PDZRN4: variants seen among roughly 807,000 people sequenced by gnomAD.
The protein encoded by PDZRN4 is PDZ domain containing ring finger 4, also known as PDZ domain-containing RING finger protein 4.
A neutral mutation model predicts 99.0 loss-of-function variants in PDZRN4; 70 were observed. The ratio of observed to expected loss-of-function variants is 0.71; its 90% CI spans 0.58 to 0.86. PDZRN4 has a LOEUF of 0.86. Ranked by LOEUF, PDZRN4 falls within the 40% of genes least tolerant of loss-of-function variation. The pLI is 0.00. For missense variants in PDZRN4, 1,474 were observed against 1,331.2 expected (o/e 1.11, Z -1.67); for synonymous variants, 551 against 501.6 (o/e 1.10, Z -1.32).
At chr12:41,222,873 T>C (rs1410029420) in intron 3 of PDZRN4, among the ~76,000 whole-genome samples, 1 of 152,198 alleles carries the variant, frequency 6.6e-6, no homozygotes. Context: ...GCTGTGTTTC[T>C]ATAGTAAGAA....
At chr12:41,430,760 T>C (rs1225480247) in intron 3 of PDZRN4, among the ~76,000 whole-genome samples, 1 of 152,210 alleles carries the variant, frequency 6.6e-6, no homozygotes, top group African/African-American at 2.4e-5. Context: ...CATGTATTAG[T>C]CTGTTCTCAT....
chr12:41,194,678 T>C (rs1045990991), intron 3 of PDZRN4, among the ~76,000 whole-genome samples: 9 of 152,168 alleles, frequency 5.9e-5, no homozygotes, highest in African/African-American at 2.2e-4. Context: ...TATGATTCTA[T>C]ATAATTCGTT....
chr12:41,461,126 G>A (rs576322296), intron 3 of PDZRN4, among the ~76,000 whole-genome samples: 3 of 152,194 alleles, frequency 2.0e-5, no homozygotes, highest in South Asian at 2.1e-4. Context: ...GGGACTCCAC[G>A]TGATTCTACC....
intron 3 of PDZRN4, among the ~76,000 whole-genome samples, chr12:41,416,459 A>C (rs1952446240): frequency 6.6e-6 from 1 of 152,074 alleles, no homozygotes; most frequent in Non-Finnish European, 1.5e-5. Context: ...AGCCTGGCCA[A>C]CATGGTGAAA....
intron 3 of PDZRN4, among the ~76,000 whole-genome samples, chr12:41,226,317 T>A (rs1408886473): frequency 6.6e-6 from 1 of 152,090 alleles, no homozygotes; most frequent in Non-Finnish European, 1.5e-5. Context: ...TTCTCCATAG[T>A]ACTAGCATCT....
At chr12:41,304,706 A>G (rs1403560230) in intron 3 of PDZRN4, among the ~76,000 whole-genome samples, 1 of 152,218 alleles carries the variant, frequency 6.6e-6, no homozygotes, top group East Asian at 1.9e-4. Flanking sequence ...CTTTTTAAGT[A>G]AACTCAATGA....
intron 3 of PDZRN4, among the ~76,000 whole-genome samples, chr12:41,216,894 A>G (rs1033224206): frequency 6.6e-6 from 1 of 152,086 alleles, no homozygotes; most frequent in African/African-American, 2.4e-5. Context: ...AAAAGGAGGC[A>G]CCTGCCTTAC....
rs375640905 is a variant in PDZRN4, at chr12:41,190,445, A to G, written c.649-1013A>G. Among the ~76,000 whole-genome samples the G allele has an allele frequency of 2.6e-4, 39 of 152,366 alleles. No individual in the cohort carries two copies. In the East Asian group the frequency reaches 3.5e-3, roughly 14 times the overall value. On this transcript the variant is annotated intron_variant, in intron 1 of 9. Coordinates refer to ENST00000402685, the MANE Select transcript of PDZRN4 (RefSeq NM_001164595.2). ...CAGGTTTCAAGGTCGTAGGAAACCA[A>G]TGGTTGAAGGAAAGGAGGAACAGCT...
intron 3 of PDZRN4, among the ~76,000 whole-genome samples, chr12:41,501,061 A>G (rs1407847054): frequency 6.6e-6 from 1 of 152,144 alleles, no homozygotes; most frequent in Non-Finnish European, 1.5e-5. Context: ...ATTATAATAC[A>G]CAAGTATTTT....
intron 5 of PDZRN4, among the ~76,000 whole-genome samples, chr12:41,536,309 A>G (rs150418963): frequency 2.6e-5 from 4 of 152,332 alleles, no homozygotes; most frequent in African/African-American, 7.2e-5. Flanking sequence ...ATAAATACAC[A>G]TTACTAAGTG....
intron 3 of PDZRN4, among the ~76,000 whole-genome samples, chr12:41,415,783 A>G (rs1952440038): frequency 6.6e-6 from 1 of 152,120 alleles, no homozygotes; most frequent in Non-Finnish European, 1.5e-5. Context: ...TGCAAAGGGT[A>G]ATTTATCATG....
intron 7 of PDZRN4, among the ~76,000 whole-genome samples, chr12:41,559,968 CT>C (rs1939240249): frequency 1.3e-5 from 2 of 152,132 alleles, no homozygotes; most frequent in Non-Finnish European, 2.9e-5. Flanking sequence ...TTCCTAAGGC[CT>C]CCCCAGTCAT....
At chr12:41,287,398 A>G (rs1951428815) in intron 3 of PDZRN4, among the ~76,000 whole-genome samples, 1 of 152,232 alleles carries the variant, frequency 6.6e-6, no homozygotes, top group Non-Finnish European at 1.5e-5. Context: ...ACTTGCCCTT[A>G]TTAAAAGTAT....
At chr12:41,479,391 A>C (rs1592077344) in intron 3 of PDZRN4, among the ~76,000 whole-genome samples, 1 of 152,200 alleles carries the variant, frequency 6.6e-6, no homozygotes. Flanking sequence ...ACTTGGTTCC[A>C]TTATTACTTC....
chr12:41,264,275 C>G (rs1397492461), intron 3 of PDZRN4, among the ~76,000 whole-genome samples: 1 of 152,114 alleles, frequency 6.6e-6, no homozygotes, highest in East Asian at 1.9e-4. Context: ...AAACTTCAAC[C>G]TGAGTGTATA....
intron 3 of PDZRN4, among the ~76,000 whole-genome samples, chr12:41,218,047 A>G (rs981843425): frequency 3.9e-5 from 6 of 152,124 alleles, no homozygotes; most frequent in Non-Finnish European, 7.4e-5. Flanking sequence ...GAGGGAGGCC[A>G]GTTTTCAAAA....
intron 5 of PDZRN4, among the ~76,000 whole-genome samples, chr12:41,544,154 G>T (rs934818184): frequency 6.6e-6 from 1 of 152,214 alleles, no homozygotes; most frequent in African/African-American, 2.4e-5. Flanking sequence ...CATGTAGCAG[G>T]TGCTAGGAAA....
chr12:41,538,453 GTGAACAGA>G (rs1366941129), intron 5 of PDZRN4, among the ~76,000 whole-genome samples: 2 of 152,144 alleles, frequency 1.3e-5, no homozygotes, highest in East Asian at 3.9e-4. Flanking sequence ...TTATGCACTA[GTGAACAGA>G]TGCTGATATA....
chr12:41,490,476 T>G (rs1937863245), intron 3 of PDZRN4, among the ~76,000 whole-genome samples: 1 of 152,184 alleles, frequency 6.6e-6, no homozygotes, highest in African/African-American at 2.4e-5. Context: ...TTATTTGGAA[T>G]GCCATGTCGA....
Sources: allele counts gnomAD v4.1 joint callset (sites outside exome capture counted in the v4.1 genomes callset), GRCh38; gene constraint gnomAD v4.1.1; transcripts MANE v1.5; gene names NCBI Gene and HGNC (gene_info 2026-07-23, HGNC 2026-07-21).